Variants in ZNF577 observed in about 807,000 individuals in gnomAD.
ZNF577 encodes zinc finger protein 577.
Under a neutral mutation model 13.9 loss-of-function variants are expected in ZNF577, and 14 were observed. The ratio of observed to expected loss-of-function variants is 1.00; its 90% CI spans 0.66 to 1.57. ZNF577 has a LOEUF of 1.57. ZNF577 is among the 40% of genes most tolerant of loss of function. The probability of loss-of-function intolerance (pLI) is 0.00; values close to 1 mark genes in which losing one functional copy is unlikely to be tolerated. For synonymous variants in ZNF577, 203 were observed against 202.9 expected (o/e 1.00, Z 0.00); for missense variants, 555 against 579.2 (o/e 0.96, Z 0.43).
intron 9 of ZNF577, among the ~76,000 whole-genome samples, chr19:51,821,438 G>A (rs1449722229): frequency 2.0e-5 from 3 of 152,094 alleles, no homozygotes; most frequent in African/African-American, 4.8e-5. Flanking sequence ...GGCCAGGGGT[G>A]TTGCTAAATA....
intron 5 of ZNF577, among the ~76,000 whole-genome samples, chr19:51,855,366 GCTGTGT>G: frequency 1.2e-5 from 1 of 84,644 alleles, no homozygotes; most frequent in Non-Finnish European, 2.3e-5. Context: ...TGCTGAGGGT[GCTGTGT>G]GTGTGTGTGT....
rs1374593437 is a variant in ZNF577 at position 51,873,007 on chromosome 19, C to T, written c.983G>A (p.Cys328Tyr). The part of the protein sequence containing the change: ...RIHTGEKPYE[C>Y]SECEKAFRSK... ...TCTAAAGGCTTTTTCACACTCACTA[C>T]ATTCATAAGGTTTCTCTCCCGTATG... Residue 328 changes from cysteine (C) to tyrosine (Y), a missense_variant, in exon 6 of 6, where the codon TGT becomes TAT. By Grantham distance (194) the Cys-to-Tyr change is radical. Transcript: ENST00000638348. The T allele has an allele frequency of 1.9e-6, 3 of 1,614,066 alleles. No homozygotes were observed. Among genetic ancestry groups the T allele is most frequent in the African/African-American group, 2.7e-5 (2 of 74,932 alleles).
intron 10 of ZNF577, among the ~76,000 whole-genome samples, chr19:51,805,623 A>G (rs946271942): frequency 1.2e-4 from 18 of 152,240 alleles, no homozygotes; most frequent in African/African-American, 9.6e-5. Flanking sequence ...CCACAGAACC[A>G]TGGATTTCAA....
At chr19:51,861,292 T>TTG (rs1214687883) in intron 5 of ZNF577, 159 of 163,806 alleles carry the variant, frequency 9.7e-4, no homozygotes, top group African/African-American at 3.7e-3. Flanking sequence ...TATTTGTTTT[T>TTG]TTTTTTTTTT....
At chr19:51,862,079 T>C (rs996902472), downstream of ZNF577, 5 of 152,586 alleles carry the variant, frequency 3.3e-5, no homozygotes, top group African/African-American at 9.7e-5. Context: ...CCTGTGTGAA[T>C]TGGCTGATGA....
chr19:51,882,300 G>A (rs189221619), intron 1 of ZNF577, among the ~76,000 whole-genome samples: 51 of 151,908 alleles, frequency 3.4e-4, no homozygotes, highest in African/African-American at 1.1e-3. Flanking sequence ...ATACTCACGC[G>A]GAGAACATGG....
chr19:51,871,047 A>C lies in ZNF577; in HGVS notation c.*1485T>G, dbSNP rs1462327827. Among the ~76,000 whole-genome samples, 2 of 152,178 alleles carry C rather than the reference A, an allele frequency of 1.3e-5. No homozygotes were observed. Among genetic ancestry groups the C allele is most frequent in the African/African-American group, 4.8e-5 (2 of 41,438 alleles). On this transcript the variant is annotated 3_prime_UTR_variant, in exon 6 of 6. Transcript: ENST00000638348. ...GGGTTGGCTATGAAAAAGTTAGTCA[A>C]TATCCAGGTGCATTATGTCATATGC...
chr19:51,847,892 T>G (rs2084361069), intron 5 of ZNF577, among the ~76,000 whole-genome samples: 1 of 152,192 alleles, frequency 6.6e-6, no homozygotes, highest in Non-Finnish European at 1.5e-5. Flanking sequence ...GGCCAGGCTT[T>G]CCAGCTATTA....
At chr19:51,873,951 G>A (rs1036204791) in intron 5 of ZNF577, among the ~76,000 whole-genome samples, 7 of 152,158 alleles carry the variant, frequency 4.6e-5, no homozygotes, top group Non-Finnish European at 8.8e-5. Flanking sequence ...GGCAGAAGGT[G>A]CAAAAATGCC....
chr19:51,848,718 G>C (rs2084366293), intron 5 of ZNF577, among the ~76,000 whole-genome samples: 3 of 152,164 alleles, frequency 2.0e-5, no homozygotes, highest in Admixed American at 1.3e-4. Context: ...AACCCACCCA[G>C]ACATTTGTCA....
At chr19:51,886,717 C>A (rs2084952381) in intron 1 of ZNF577, 104 bp downstream of exon 1, 1 of 152,118 alleles carries the variant, frequency 6.6e-6, no homozygotes, top group Non-Finnish European at 1.5e-5. Context: ...TTTGAACATA[C>A]TTAAAGAACA....
rs1044095029 is a variant in ZNF577, at chr19:51,824,383, T to C, written c.*600-12709A>G. Reference sequence around the variant, plus strand: ...CTCCACTTCATTATTGGCTTCAGCGTGCCTATGTCCATCATCACAGTCTGC... The same window carrying C: ...CTCCACTTCATTATTGGCTTCAGCGCGCCTATGTCCATCATCACAGTCTGC... On this transcript the variant is annotated intron_variant and NMD_transcript_variant, in intron 9 of 10. Coordinates refer to the ZNF577 transcript ENST00000638827. The surrounding 1 kb of genome is among the most constrained non-coding windows in gnomAD (Gnocchi z 4.7). The C allele has an allele frequency of 5.0e-6, 8 of 1,614,034 alleles. No homozygotes were observed. Among genetic ancestry groups the C allele is most frequent in the Non-Finnish European group, 5.9e-6 (7 of 1,180,028 alleles).
intron 5 of ZNF577, among the ~76,000 whole-genome samples, chr19:51,874,424 A>C (rs1482550320): frequency 6.6e-6 from 1 of 152,156 alleles, no homozygotes; most frequent in Non-Finnish European, 1.5e-5. Flanking sequence ...CAAAATAAAG[A>C]ACATTCCAAG....
In ZNF577 at chr19:51,824,916, C is replaced by A; in HGVS notation, c.*600-13242G>T. 1.1e-6 allele frequency: 1 copy of A among 877,974 alleles called. No homozygotes were observed. Among genetic ancestry groups the A allele is most frequent in the Non-Finnish European group, 1.7e-6 (1 of 573,872 alleles). The allele number at this position is 877,974 out of a possible 1,614,324, so 54.4% of individuals were successfully genotyped here. ...TCTTTCATACCACCACCACCACAAT[C>A]ATCAACATAAAGGAAGTCTGTACCA... On this transcript the variant is annotated intron_variant and NMD_transcript_variant, in intron 9 of 10. Transcript: ENST00000638827. The surrounding 1 kb of genome is among the most constrained non-coding windows in gnomAD (Gnocchi z 4.7).
rs1218585198 is a variant in ZNF577, at chr19:51,871,193, G to A, written c.*1339C>T. On this transcript the variant is annotated 3_prime_UTR_variant, in exon 6 of 6. Coordinates refer to ENST00000638348, the MANE Select transcript of ZNF577 (RefSeq NM_001370449.1). Reference sequence around the variant, plus strand: ...ATCATAGCTCACTGCAGTCACTGCAGCCTAGAACTCCTGGACTCAAGCAAT... The same window carrying A: ...ATCATAGCTCACTGCAGTCACTGCAACCTAGAACTCCTGGACTCAAGCAAT... The A allele has an allele frequency of 6.6e-6, 1 of 152,106 alleles. No individual in the cohort carries two copies. The highest frequency in any genetic ancestry group is 1.5e-5 in the Non-Finnish European group (1 of 68,034). 9.4% of individuals were successfully genotyped at this position (152,106 alleles called of 1,614,324 possible). A position where few individuals can be genotyped will look rare whatever the true frequency, so the allele number is the denominator to read the frequency against.
At chr19:51,831,251 G>T (rs2084259797) in intron 9 of ZNF577, among the ~76,000 whole-genome samples, 1 of 151,988 alleles carries the variant, frequency 6.6e-6, no homozygotes, top group South Asian at 2.1e-4. Context: ...AAGTAGTTGG[G>T]GTTACAAGGT....
intron 1 of ZNF577, chr19:51,886,489 C>T (rs1478486486): frequency 6.6e-6 from 1 of 152,056 alleles, no homozygotes; most frequent in African/African-American, 2.4e-5. Flanking sequence ...AATCCAGTCT[C>T]ATATTAAAAG....
chr19:51,872,859 TA>T lies in ZNF577; in HGVS notation c.1130del (p.Ile377LysfsTer6), dbSNP rs767814887. Reference sequence around the variant, plus strand: ...TCAGTGAATTTATGGCTGTCTCTCTTATGTGAGTTTTCTCATGTTTAATGAG... The same window carrying T: ...TCAGTGAATTTATGGCTGTCTCTCTTTGTGAGTTTTCTCATGTTTAATGAG... ...SVLIKHEKTH[I>X]RETAINSLTV... On this transcript the variant is annotated frameshift_variant, in exon 6 of 6. Transcript: ENST00000638348. LOFTEE classifies it low-confidence loss of function (END_TRUNC). 20 of 1,614,112 alleles carry T rather than the reference TA, an allele frequency of 1.2e-5. No individual in the cohort carries two copies. The African/African-American group carries it at 2.7e-4, about 22-fold the overall frequency.
At chr19:51,826,983 A>T (rs2084235391) in intron 9 of ZNF577, among the ~76,000 whole-genome samples, 1 of 152,174 alleles carries the variant, frequency 6.6e-6, no homozygotes, top group African/African-American at 2.4e-5. Context: ...TAGAGGTGTT[A>T]CCTATAGAAG....
Sources: allele counts gnomAD v4.1 joint callset (sites outside exome capture counted in the v4.1 genomes callset), GRCh38; gene constraint gnomAD v4.1.1; non-coding constraint Gnocchi (gnomAD v3.1); transcripts MANE v1.5; gene names NCBI Gene and HGNC (gene_info 2026-07-23, HGNC 2026-07-21).